FOXJ3: variants seen among roughly 807,000 people sequenced by gnomAD.
The protein encoded by FOXJ3 is forkhead box J3.
A neutral mutation model predicts 76.1 loss-of-function variants in FOXJ3; 22 were observed. The observed-to-expected ratio is 0.29, with a 90% CI of 0.21 to 0.41. The LOEUF (loss-of-function observed/expected upper bound fraction) is 0.41, where lower values mean the gene tolerates loss of function less well. Among genes scored for constraint, FOXJ3 ranks in the 10% least tolerant of loss-of-function variants. The probability of loss-of-function intolerance (pLI) is 1.00; values close to 1 mark genes in which losing one functional copy is unlikely to be tolerated. For synonymous variants in FOXJ3, 269 were observed against 261.2 expected (o/e 1.03, Z -0.29); for missense variants, 613 against 762.1 (o/e 0.80, Z 2.30).
At chr1:42,189,175 A>G in intron 10 of FOXJ3, 128 bp downstream of exon 10, 1 of 722,732 alleles carries the variant, frequency 1.4e-6, no homozygotes, top group South Asian at 2.0e-5. Context: ...AATTATTATG[A>G]ATTTTACCAA....
rs1413412200 is a variant in FOXJ3, at chr1:42,221,352, T to G, written c.528+6531A>C. On this transcript the variant is annotated intron_variant, in intron 5 of 12. Transcript: ENST00000361346. ...TAGAAAATAGCCAAGACAAAAGATTTAAGTTAAAAAGGGGGTTGGGGGGAT... is the reference window on the plus strand; with the variant it reads ...TAGAAAATAGCCAAGACAAAAGATTGAAGTTAAAAAGGGGGTTGGGGGGAT... Among the ~76,000 whole-genome samples, 2 of 152,156 alleles carry G rather than the reference T, an allele frequency of 1.3e-5. 1 individual carries two copies. Among genetic ancestry groups the G allele is most frequent in the South Asian group, 4.1e-4 (2 of 4,834 alleles).
intron 11 of FOXJ3, among the ~76,000 whole-genome samples, chr1:42,188,246 T>TA (rs1491083265): frequency 6.6e-6 from 1 of 152,176 alleles, no homozygotes; most frequent in Non-Finnish European, 1.5e-5. Flanking sequence ...AAGCGAGATT[T>TA]AAAAAATATA....
chr1:42,213,213 C>T (rs1370722027), intron 5 of FOXJ3, among the ~76,000 whole-genome samples: 8 of 152,014 alleles, frequency 5.3e-5, no homozygotes, highest in Admixed American at 5.2e-4. Context: ...ATGACTGGAA[C>T]AGTCTCACAT....
chr1:42,253,134 T>G (rs988874492), intron 4 of FOXJ3, among the ~76,000 whole-genome samples: 1 of 150,054 alleles, frequency 6.7e-6, no homozygotes, highest in Non-Finnish European at 1.5e-5. Context: ...ACAAAATCAA[T>G]GTACAAAAAT....
At chr1:42,207,477 C>T (rs1032000287) in intron 5 of FOXJ3, among the ~76,000 whole-genome samples, 3 of 152,102 alleles carry the variant, frequency 2.0e-5, no homozygotes, top group African/African-American at 2.4e-5. Flanking sequence ...CTCTAAGAAA[C>T]GGTTTTTATT....
chr1:42,186,606 T>C (rs1298451376), intron 11 of FOXJ3, among the ~76,000 whole-genome samples: 1 of 151,886 alleles, frequency 6.6e-6, no homozygotes, highest in African/African-American at 2.4e-5. Context: ...ACTACAGAAG[T>C]TGAGGAACAA....
intron 4 of FOXJ3, among the ~76,000 whole-genome samples, chr1:42,230,706 C>A (rs1462938027): frequency 6.6e-6 from 1 of 152,070 alleles, no homozygotes; most frequent in East Asian, 1.9e-4. Flanking sequence ...GATGCTCAAC[C>A]TGTATTGGCA....
intron 2 of FOXJ3, among the ~76,000 whole-genome samples, chr1:42,300,371 T>C (rs1654059153): frequency 6.6e-6 from 1 of 152,230 alleles, no homozygotes; most frequent in Non-Finnish European, 1.5e-5. Flanking sequence ...CCTTTCAGTA[T>C]TTCTTATACG....
intron 7 of FOXJ3, among the ~76,000 whole-genome samples, chr1:42,197,108 A>G (rs1304790757): frequency 2.0e-5 from 3 of 152,170 alleles, no homozygotes; most frequent in African/African-American, 7.2e-5. Flanking sequence ...TTGCCTTCAC[A>G]TATGAATTAA....
At chr1:42,262,093 G>A (rs1482620266) in intron 4 of FOXJ3, among the ~76,000 whole-genome samples, 1 of 152,118 alleles carries the variant, frequency 6.6e-6, no homozygotes, top group Non-Finnish European at 1.5e-5. Flanking sequence ...CTCAGCTGGT[G>A]GAATATAAAC....
intron 2 of FOXJ3, among the ~76,000 whole-genome samples, chr1:42,283,537 AC>A (rs1652863142): frequency 6.6e-6 from 1 of 152,228 alleles, no homozygotes; most frequent in Non-Finnish European, 1.5e-5. Flanking sequence ...GCAAATGGGT[AC>A]AGATAAAAGA....
intron 2 of FOXJ3, among the ~76,000 whole-genome samples, chr1:42,282,761 G>A (rs889491707): frequency 2.0e-5 from 3 of 152,148 alleles, no homozygotes; most frequent in Admixed American, 2.0e-4. Context: ...AGAAAGCCTG[G>A]TCAATCCCCT....
chr1:42,305,706 A>G (rs1044238103), intron 2 of FOXJ3, among the ~76,000 whole-genome samples: 28 of 152,218 alleles, frequency 1.8e-4, no homozygotes, highest in African/African-American at 6.5e-4. Flanking sequence ...TGGTTACCAG[A>G]GGCTGGGAAG....
chr1:42,324,357 A>G (rs956050624), intron 1 of FOXJ3, among the ~76,000 whole-genome samples: 10 of 24,106 alleles, frequency 4.1e-4, no homozygotes, highest in Non-Finnish European at 1.5e-3. Context: ...TATACATAAC[A>G]TATATACTAT....
intron 4 of FOXJ3, among the ~76,000 whole-genome samples, chr1:42,259,057 T>C (rs950931941): frequency 2.6e-5 from 4 of 152,180 alleles, no homozygotes; most frequent in Non-Finnish European, 5.9e-5. Flanking sequence ...TGATGGAATA[T>C]ATGCAATGAA....
intron 5 of FOXJ3, among the ~76,000 whole-genome samples, chr1:42,212,744 C>T (rs950328286): frequency 3.3e-5 from 5 of 152,026 alleles, no homozygotes; most frequent in Admixed American, 2.6e-4. Flanking sequence ...GCAAAAAGGA[C>T]ATCACCAAAG....
intron 2 of FOXJ3, among the ~76,000 whole-genome samples, chr1:42,297,251 T>C (rs1653846915): frequency 6.6e-6 from 1 of 152,194 alleles, no homozygotes; most frequent in Admixed American, 6.5e-5. Context: ...CCAATTTGGA[T>C]GCCTTTTATT....
chr1:42,275,699 AAAAG>A (rs1215689722), intron 3 of FOXJ3, among the ~76,000 whole-genome samples: 1 of 152,214 alleles, frequency 6.6e-6, no homozygotes, highest in Non-Finnish European at 1.5e-5. Flanking sequence ...AAAATTTAAA[AAAAG>A]AAAGTTGAAT....
intron 1 of FOXJ3, among the ~76,000 whole-genome samples, chr1:42,316,333 C>CGTTTT (rs1322633444): frequency 2.7e-5 from 2 of 73,914 alleles, no homozygotes; most frequent in African/African-American, 8.7e-5. Context: ...TGCATTGGGC[C>CGTTTT]TTTTTTTTTT....
Sources: gnomAD v4.1 joint callset for allele counts (sites outside exome capture counted in the v4.1 genomes callset) on GRCh38, gnomAD v4.1.1 for gene constraint, MANE v1.5 for transcripts, NCBI Gene and HGNC (gene_info 2026-07-23, HGNC 2026-07-21) for gene names.